The following ALDH9A1 variants were observed in gnomAD, a reference collection of about 807,000 sequenced individuals.
ALDH9A1 encodes the protein aldehyde dehydrogenase 9 family member A1.
ALDH9A1 carries 42 observed loss-of-function variants against 56.6 expected under a neutral mutation model. The observed-to-expected ratio is 0.74, with a 90% CI of 0.58 to 0.96. The LOEUF (loss-of-function observed/expected upper bound fraction) is 0.96, where lower values mean the gene tolerates loss of function less well. Ranked by LOEUF, ALDH9A1 falls within the 40% of genes least tolerant of loss-of-function variation. ALDH9A1 has a pLI of 0.00. For synonymous variants in ALDH9A1, 242 were observed against 236.0 expected (o/e 1.03, Z -0.23); for missense variants, 661 against 651.5 (o/e 1.01, Z -0.16).
chr1:165,693,442 C>T (rs1416843001), intron 2 of ALDH9A1, among the ~76,000 whole-genome samples: 1 of 152,180 alleles, frequency 6.6e-6, no homozygotes, highest in Non-Finnish European at 1.5e-5. Context: ...GACATTTATG[C>T]AGCCAAAAGA....
chr1:165,682,109 C>G lies in ALDH9A1; in HGVS notation c.590G>C (p.Cys197Ser), dbSNP rs949139643. The change falls in exon 4 of 11, where the codon TGT becomes TCT. Residue 197 changes from cysteine to serine, a missense_variant and splice_region_variant. Transcript: ENST00000354775. ...ATGGAGGGATAATTCATTCTTACCA[C>G]AGGCTAATGCTGGAGCCGACTTCCA... ...ASWKSAPALA[C>S]GNAMVFKPSP... 1.9e-6 allele frequency: 3 copies of G among 1,613,740 alleles called. No individual in the cohort carries two copies. In the African/African-American group the frequency reaches 4.0e-5, roughly 22 times the overall value.
chr1:165,685,990 G>C (rs917234309), intron 2 of ALDH9A1, among the ~76,000 whole-genome samples: 6 of 152,074 alleles, frequency 3.9e-5, no homozygotes, highest in Admixed American at 3.9e-4. Flanking sequence ...GGGTCTCACA[G>C]ACAAGATCTA....
intron 1 of ALDH9A1, among the ~76,000 whole-genome samples, chr1:165,695,756 G>A (rs565033278): frequency 1.3e-5 from 2 of 152,030 alleles, no homozygotes; most frequent in Admixed American, 6.6e-5. Flanking sequence ...TCAGCCTCCC[G>A]AAGTGCCGGA....
chr1:165,686,572 CAGCCATGGTGAGAA>C (rs1314263419), intron 2 of ALDH9A1, among the ~76,000 whole-genome samples: 1 of 151,042 alleles, frequency 6.6e-6, no homozygotes. Context: ...ATGTTCCCAC[CAGCCATGGTGAGAA>C]AACCTCATTA....
intron 6 of ALDH9A1, among the ~76,000 whole-genome samples, chr1:165,674,291 C>T (rs1302316002): frequency 8.7e-6 from 1 of 114,814 alleles, no homozygotes; most frequent in Non-Finnish European, 1.7e-5. Context: ...TATTCCTTTA[C>T]TTTCTTAATA....
chr1:165,680,014 A>G (rs75094580), intron 5 of ALDH9A1, among the ~76,000 whole-genome samples: 2 of 152,316 alleles, frequency 1.3e-5, no homozygotes, highest in African/African-American at 4.8e-5. Context: ...CCCTGTCTCA[A>G]AAAAATAAAA....
intron 1 of ALDH9A1, 63 bp downstream of exon 1, chr1:165,698,315 T>G (rs1276631773): frequency 6.5e-7 from 1 of 1,537,904 alleles, no homozygotes; most frequent in Non-Finnish European, 8.7e-7. Context: ...AAACGGGGGC[T>G]GGCCGGGAAA....
At position 165,695,301 on chromosome 1, in the gene ALDH9A1, G is replaced by C. The variant is rs1650037729; in HGVS notation, c.278C>G (p.Ser93Cys). 9 of 1,613,216 alleles carry C rather than the reference G, an allele frequency of 5.6e-6. No individual in the cohort carries two copies. The East Asian group carries it at 2.0e-4, about 36-fold the overall frequency. The change falls in exon 2 of 11, where the codon TCT becomes TGT. Residue 93 changes from serine (S) to cysteine (C), a missense_variant. Transcript: ENST00000354775. ...AAGGATTCGGCAACGCTCCATGCCA[G>C]ATTTTTGACTCCATATTTTAAAAGC... ...KAAFKIWSQK[S>C]GMERCRILLE... is the part of the protein sequence containing the mutation.
intron 6 of ALDH9A1, among the ~76,000 whole-genome samples, chr1:165,674,417 C>CG (rs1649281285): frequency 1.3e-5 from 2 of 150,222 alleles, no homozygotes; most frequent in Non-Finnish European, 3.0e-5. Flanking sequence ...CAGGGAACAG[C>CG]GGCTCATGCC....
rs139719782 is a variant in ALDH9A1, at chr1:165,664,797, C to T, written c.1462+221G>A. 1.3e-4 allele frequency among the ~76,000 whole-genome samples: 20 copies of T among 152,322 alleles called. No homozygotes were observed. In the East Asian group the frequency reaches 3.7e-3, roughly 28 times the overall value. On this transcript the variant is annotated intron_variant, in intron 10 of 10. Coordinates refer to ENST00000354775, the MANE Select transcript of ALDH9A1 (RefSeq NM_000696.4). The stretch of plus-strand genomic sequence containing the variant: ...TCAGCAGTTCACAAGCCAGGCTATA[C>T]ATCAGAACCCTCCAGAAAGATTTAG...
In ALDH9A1 at chr1:165,698,367, G is replaced by T. The variant is rs746291384; in HGVS notation, c.181+11C>A. 64 of 1,586,612 alleles carry T rather than the reference G, an allele frequency of 4.0e-5. No homozygotes were observed. Among genetic ancestry groups the T allele is most frequent in the African/African-American group, 1.4e-4 (10 of 72,664 alleles). On this transcript the variant is annotated intron_variant, in intron 1 of 10. Transcript: ENST00000354775. ...CAGGGCGCCCCAGCCTCCCCGGCTC[G>T]TTGCAGTTACCGGTTGCTGGCTCGA...
At chr1:165,680,999 G>A (rs1464067989) in intron 4 of ALDH9A1, among the ~76,000 whole-genome samples, 2 of 152,078 alleles carry the variant, frequency 1.3e-5, no homozygotes, top group African/African-American at 2.4e-5. Context: ...CAGCAAAAGC[G>A]GAAACCCCTG....
At chr1:165,671,057 C>G (rs910301382) in intron 6 of ALDH9A1, among the ~76,000 whole-genome samples, 1 of 152,284 alleles carries the variant, frequency 6.6e-6, no homozygotes, top group East Asian at 1.9e-4. Context: ...GGCGACAGAG[C>G]GAGACTCCGT....
At position 165,676,852 on chromosome 1, in the gene ALDH9A1, G is replaced by A. The variant is rs114120205; in HGVS notation, c.930+2590C>T. On this transcript the variant is annotated intron_variant, in intron 6 of 10. Transcript: ENST00000354775. ...TTCTCTTTATTTAGTAGAGAAGTGT[G>A]GTGTCCTCTCCCCCAAAAAAATATT... The A allele has an allele frequency of 2.9e-3, 833 of 290,762 alleles. 5 individuals carry two copies. The highest frequency in any genetic ancestry group is 0.017 in the African/African-American group (762 of 44,790). The allele number at this position is 290,762 out of a possible 1,614,324, so 18.0% of individuals were successfully genotyped here.
intron 6 of ALDH9A1, among the ~76,000 whole-genome samples, chr1:165,670,963 T>TG (rs376806846): frequency 6.6e-6 from 1 of 151,538 alleles, no homozygotes; most frequent in African/African-American, 2.4e-5. Flanking sequence ...GTCCCAGCTA[T>TG]AGGAGGCTAA....
At chr1:165,695,688 G>A (rs1463692259) in intron 1 of ALDH9A1, among the ~76,000 whole-genome samples, 1 of 151,458 alleles carries the variant, frequency 6.6e-6, no homozygotes, top group Non-Finnish European at 1.5e-5. Flanking sequence ...AGTAGAGACC[G>A]GGTTTCACCA....
intron 2 of ALDH9A1, among the ~76,000 whole-genome samples, chr1:165,693,634 A>C (rs1649965216): frequency 6.6e-6 from 1 of 152,258 alleles, no homozygotes; most frequent in African/African-American, 2.4e-5. Flanking sequence ...AAACTAGTTC[A>C]ACCATTGTGG....
intron 6 of ALDH9A1, among the ~76,000 whole-genome samples, chr1:165,674,047 G>A (rs1649264536): frequency 6.6e-6 from 1 of 152,072 alleles, no homozygotes; most frequent in Non-Finnish European, 1.5e-5. Flanking sequence ...GTGACCGCTG[G>A]TCGTCATTGC....
chr1:165,683,653 C>T (rs1189204134), intron 2 of ALDH9A1, among the ~76,000 whole-genome samples: 2 of 152,200 alleles, frequency 1.3e-5, no homozygotes, highest in Non-Finnish European at 2.9e-5. Context: ...TAATATGCGT[C>T]ACTTTAAGTC....
Sources: allele counts gnomAD v4.1 joint callset (sites outside exome capture counted in the v4.1 genomes callset), GRCh38; gene constraint gnomAD v4.1.1; transcripts MANE v1.5; gene names NCBI Gene and HGNC (gene_info 2026-07-23, HGNC 2026-07-21).